Variants in CD300A observed in about 807,000 individuals in gnomAD.
The protein encoded by CD300A is CD300a molecule, also known as CMRF35-like molecule 8.
Under a neutral mutation model 33.6 loss-of-function variants are expected in CD300A, and 22 were observed. That is an observed-to-expected ratio of 0.66 (90% confidence interval 0.47 to 0.94). The LOEUF is 0.94. CD300A is among the 40% of genes least tolerant of loss of function. The pLI is 0.00. For missense variants in CD300A, 326 were observed against 360.5 expected, an observed-to-expected ratio of 0.90 and a Z score of 0.77; for synonymous variants, 136 against 148.1, an observed-to-expected ratio of 0.92 and a Z score of 0.59.
chr17:74,474,656 G>A lies in CD300A; in HGVS notation c.504G>A (p.Gln168=), dbSNP rs776573991. ...AVGATHSASI[Q]EETEEVVNSQ... is the part of the protein sequence containing the mutation. Reference sequence around the variant, plus strand: ...GTGCCACCCACAGTGCCAGCATCCAGGAGGAAACTGAGGAGGTGGTGAACT... The same window carrying A: ...GTGCCACCCACAGTGCCAGCATCCAAGAGGAAACTGAGGAGGTGGTGAACT... Residue 168 remains glutamine, a synonymous_variant, in exon 3 of 7, where the codon CAG becomes CAA. Transcript: ENST00000360141. 10 of 1,614,090 alleles carry A rather than the reference G, an allele frequency of 6.2e-6. No homozygotes were observed. The African/African-American group carries it at 1.2e-4, about 19-fold the overall frequency.
chr17:74,471,581 T>A (rs1212644751), intron 1 of CD300A, among the ~76,000 whole-genome samples: 1 of 152,108 alleles, frequency 6.6e-6, no homozygotes, highest in Non-Finnish European at 1.5e-5. Flanking sequence ...AGCTGATACG[T>A]AATAGGGTAG....
intron 6 of CD300A, among the ~76,000 whole-genome samples, chr17:74,482,815 A>G (rs1906996149): frequency 1.3e-5 from 2 of 150,156 alleles, no homozygotes; most frequent in Non-Finnish European, 2.9e-5. Context: ...GGTTCAAGCA[A>G]TTCTCCTGCC....
At chr17:74,468,232 C>T (rs1905861493) in intron 1 of CD300A, among the ~76,000 whole-genome samples, 1 of 152,046 alleles carries the variant, frequency 6.6e-6, no homozygotes, top group African/African-American at 2.4e-5. Flanking sequence ...TGGGCTTTCT[C>T]CATGTTGGTC....
At chr17:74,472,950 C>T (rs949998214) in intron 1 of CD300A, among the ~76,000 whole-genome samples, 6 of 152,066 alleles carry the variant, frequency 3.9e-5, no homozygotes, top group Non-Finnish European at 8.8e-5. Context: ...TATTACTGCC[C>T]GGGTTTGCCC....
At chr17:74,467,211 A>ATGG (rs1905776803) in intron 1 of CD300A, among the ~76,000 whole-genome samples, 2 of 30,754 alleles carry the variant, frequency 6.5e-5, no homozygotes, top group Middle Eastern at 0.015. Context: ...GGTGCAGGGT[A>ATGG]CGGAGGAGGG....
intron 6 of CD300A, among the ~76,000 whole-genome samples, chr17:74,483,509 A>G (rs1317374753): frequency 6.6e-6 from 1 of 151,896 alleles, no homozygotes; most frequent in African/African-American, 2.4e-5. Context: ...GGTGTCCACC[A>G]CCACGCCCAG....
At position 74,469,317 on chromosome 17, in the gene CD300A, G is replaced by A. The variant is rs577376036; in HGVS notation, c.40+2574G>A. Among the ~76,000 whole-genome samples, 11 of 151,410 alleles carry A rather than the reference G, an allele frequency of 7.3e-5. No homozygotes were observed. The South Asian group carries it at 1.7e-3, about 23-fold the overall frequency. On this transcript the variant is annotated intron_variant, in intron 1 of 6. Transcript: ENST00000360141. ...GTGGGAGGATAGCTTAAGCCCAGGA[G>A]TCCGAGACTGGCCTGGGCAGTATAG...
chr17:74,466,629 G>T (rs370105057), upstream of CD300A: 12 of 1,499,200 alleles, frequency 8.0e-6, no homozygotes, highest in Non-Finnish European at 1.1e-5. Context: ...CGGGGCCTTG[G>T]AGGCGTGACT....
intron 3 of CD300A, among the ~76,000 whole-genome samples, chr17:74,475,505 C>T (rs1259275848): frequency 2.6e-5 from 4 of 152,300 alleles, no homozygotes; most frequent in Non-Finnish European, 5.9e-5. Context: ...CTTGAGTTCT[C>T]CTCTCTAAAT....
intron 4 of CD300A, among the ~76,000 whole-genome samples, chr17:74,479,048 C>T (rs145621431): frequency 4.6e-5 from 7 of 152,216 alleles, no homozygotes; most frequent in East Asian, 1.9e-4. Context: ...CCTCCTCCCC[C>T]CTTGAAAAGG....
At chr17:74,474,764 G>A (rs1906353438) in intron 3 of CD300A, 79 bp downstream of exon 3, 1 of 1,472,272 alleles carries the variant, frequency 6.8e-7, no homozygotes, top group Non-Finnish European at 9.3e-7. Flanking sequence ...TTGGCCATGT[G>A]GGCCAGCTGG....
chr17:74,467,040 AGGAAGGG>A (rs1905757944), intron 1 of CD300A: 1 of 1,261,920 alleles, frequency 7.9e-7, no homozygotes, highest in East Asian at 3.7e-5. Context: ...GAATTCTTAC[AGGAAGGG>A]GGACGAGAGG....
intron 6 of CD300A, 44 bp from the exon 7 acceptor site, chr17:74,483,957 C>T: frequency 6.2e-7 from 1 of 1,606,480 alleles, no homozygotes; most frequent in East Asian, 2.2e-5. Context: ...TCCTTTCTTC[C>T]CTTGCCTCTC....
intron 2 of CD300A, among the ~76,000 whole-genome samples, chr17:74,474,087 G>A (rs1319649705): frequency 6.6e-6 from 1 of 152,106 alleles, no homozygotes; most frequent in Non-Finnish European, 1.5e-5. Flanking sequence ...TGACAGGGAG[G>A]CTGAGAGAGC....
intron 4 of CD300A, 33 bp downstream of exon 4, chr17:74,477,563 C>A (rs367629339): frequency 4.7e-6 from 7 of 1,495,712 alleles, no homozygotes; most frequent in Middle Eastern, 2.1e-4. Flanking sequence ...TCTGCCCCAC[C>A]TGGGGTGGTC....
chr17:74,482,048 G>A (rs998922199), intron 6 of CD300A, among the ~76,000 whole-genome samples: 2 of 152,038 alleles, frequency 1.3e-5, no homozygotes, highest in Non-Finnish European at 2.9e-5. Flanking sequence ...TTTGGGGGTG[G>A]CCAGCAGCTA....
At position 74,484,151 on chromosome 17, in the gene CD300A, A is replaced by C; in HGVS notation, c.*25A>C. The C allele has an allele frequency of 6.2e-7, 1 of 1,611,344 alleles. No homozygotes were observed. Among genetic ancestry groups the C allele is most frequent in the Non-Finnish European group, 8.5e-7 (1 of 1,178,656 alleles). ...GGCTTTTGTCCTGCCTCGCCATCGG[A>C]GCTCTCATGGGCCCCAGGAAGTCCA... On this transcript the variant is annotated 3_prime_UTR_variant, in exon 7 of 7. Coordinates refer to ENST00000360141, the MANE Select transcript of CD300A (RefSeq NM_007261.4).
rs1906748539 is a variant in CD300A at position 74,480,273 on chromosome 17, G to A, written c.629-1016G>A. On this transcript the variant is annotated intron_variant, in intron 4 of 6. Coordinates refer to ENST00000360141, the MANE Select transcript of CD300A (RefSeq NM_007261.4). The surrounding 1 kb of genome is among the most constrained non-coding windows in gnomAD (Gnocchi z 4.2). The stretch of plus-strand genomic sequence containing the variant: ...GGGCTCCTCCCCTTTAATTCTGGGG[G>A]AGGAGCCCACAGATCCCCACAGCAT... 6.6e-6 allele frequency among the ~76,000 whole-genome samples: 1 copy of A among 152,080 alleles called. No individual in the cohort carries two copies. Among genetic ancestry groups the A allele is most frequent in the Non-Finnish European group, 1.5e-5 (1 of 67,990 alleles).
chr17:74,481,696 A>G (rs745833610), intron 5 of CD300A, 30 bp from the exon 6 acceptor site: 118 of 1,520,450 alleles, frequency 7.8e-5, no homozygotes, highest in Non-Finnish European at 9.6e-5. Flanking sequence ...GGCTCCGTGG[A>G]CACCCACCTG....
Sources: allele counts gnomAD v4.1 joint callset (sites outside exome capture counted in the v4.1 genomes callset), GRCh38; gene constraint gnomAD v4.1.1; non-coding constraint Gnocchi (gnomAD v3.1); transcripts MANE v1.5; gene names NCBI Gene and HGNC (gene_info 2026-07-23, HGNC 2026-07-21).